Variants in STK36 observed in about 807,000 individuals in gnomAD.
STK36 encodes the protein serine/threonine-protein kinase 36.
STK36 carries 116 observed loss-of-function variants against 142.2 expected under a neutral mutation model. That is an observed-to-expected ratio of 0.82 (90% CI 0.70 to 0.95). The LOEUF (loss-of-function observed/expected upper bound fraction) is 0.95, where lower values mean the gene tolerates loss of function less well. Among genes scored for constraint, STK36 ranks in the 40% least tolerant of loss-of-function variants. The pLI is 0.00. For synonymous variants in STK36, 619 were observed against 641.7 expected, an observed-to-expected ratio of 0.96 and a Z score of 0.53; for missense variants, 1,422 against 1,617.2, an observed-to-expected ratio of 0.88 and a Z score of 2.07.
intron 10 of STK36, 39 bp downstream of exon 10, chr2:218,680,741 T>C: frequency 6.4e-7 from 1 of 1,562,704 alleles, no homozygotes; most frequent in Non-Finnish European, 8.7e-7. Flanking sequence ...GTCTCTTTCA[T>C]GGGATGTTAA....
chr2:218,678,587 A>T (rs1220219565), intron 6 of STK36, among the ~76,000 whole-genome samples: 1 of 152,130 alleles, frequency 6.6e-6, no homozygotes, highest in Admixed American at 6.5e-5. Context: ...CCAATTGAGG[A>T]TTTCCCCAAA....
Position 218,693,310 on chromosome 2 carries a change from T to C in STK36, c.2114T>C (p.Leu705Pro). ...CTCAGGCCATCCCTCATCTCTGGCC[T>C]GCAGCATCCCATCCTGTGCCTGCAC... ...SQLRPSLISG[L>P]QHPILCLHLL... Residue 705 changes from leucine to proline, a missense_variant, in exon 17 of 27, where the codon CTG becomes CCG. Leu to Pro is a moderately conservative substitution (Grantham distance 98). Around this residue, in one of 2 missense-constraint regions of STK36, gnomAD observed 962 missense variants for 1,167.5 expected, o/e 0.82. Coordinates refer to ENST00000295709, the MANE Select transcript of STK36 (RefSeq NM_015690.5). The C allele has an allele frequency of 6.2e-7, 1 of 1,614,234 alleles. No homozygotes were observed. Among genetic ancestry groups the C allele is most frequent in the Non-Finnish European group, 8.5e-7 (1 of 1,180,032 alleles).
At chr2:218,697,385 G>GCCC in intron 23 of STK36, 78 bp from the exon 24 acceptor site, 1 of 1,575,390 alleles carries the variant, frequency 6.3e-7, no homozygotes, top group Non-Finnish European at 8.6e-7. Context: ...AATAGGTGTA[G>GCCC]CCCTGGGAGC....
chr2:218,693,370 C>T (rs1320321465), intron 17 of STK36, 26 bp downstream of exon 17: 2 of 1,602,418 alleles, frequency 1.2e-6, no homozygotes, highest in East Asian at 2.2e-5. Context: ...CCTGGCATCA[C>T]AGCTTTATTT....
At chr2:218,690,346 G>A in intron 13 of STK36, 104 bp from the exon 14 acceptor site, 1 of 891,048 alleles carries the variant, frequency 1.1e-6, no homozygotes, top group Non-Finnish European at 1.9e-6. Flanking sequence ...ATTCTGATGT[G>A]TCCCTTTGCA....
In STK36 at chr2:218,679,544, T is replaced by G; in HGVS notation, c.779-16T>G. 6.2e-7 allele frequency: 1 copy of G among 1,610,166 alleles called. No homozygotes were observed. The highest frequency in any genetic ancestry group is 1.1e-5 in the South Asian group (1 of 90,620). On this transcript the variant is annotated splice_polypyrimidine_tract_variant and intron_variant, in intron 7 of 26. Transcript: ENST00000295709. ...GGCCCCCATGATCATGTCTTCCTCC[T>G]CTTCCCTCCCTGCAGTAATAACTGA...
At chr2:218,672,957 C>T in intron 2 of STK36, 44 bp downstream of exon 2, 1 of 1,558,960 alleles carries the variant, frequency 6.4e-7, no homozygotes, top group Non-Finnish European at 8.8e-7. Context: ...ATTTGGTACC[C>T]CCAACTCCAG....
chr2:218,692,622 A>G lies in STK36; in HGVS notation c.1955A>G (p.Glu652Gly), dbSNP rs142580761. The G allele has an allele frequency of 2.8e-5, 45 of 1,613,592 alleles. No individual in the cohort carries two copies. In the African/African-American group the frequency reaches 5.5e-4, roughly 20 times the overall value. The stretch of plus-strand genomic sequence containing the variant: ...AGCCAGCCACTGCGAGAGCAGAGTG[A>G]GGATATACCTGGAGCCATTTCCTCT... ...QVSQPLREQSEDIPGAISSAL... is the reference protein window; with the variant it reads ...QVSQPLREQSGDIPGAISSAL... Residue 652 changes from glutamate to glycine, a missense_variant, in exon 16 of 27, where the codon GAG becomes GGG. This residue lies in a region of STK36 where 962 missense variants were observed against 1,167.5 expected (regional missense o/e 0.82). Transcript: ENST00000295709.
intron 7 of STK36, 70 bp downstream of exon 7, chr2:218,679,331 C>G (rs1940395976): frequency 2.0e-6 from 3 of 1,463,856 alleles, no homozygotes; most frequent in Non-Finnish European, 2.9e-6. Flanking sequence ...CCTTTCACTT[C>G]CCCGACCATC....
chr2:218,698,124 T>A, intron 25 of STK36, 123 bp downstream of exon 25: 2 of 1,381,934 alleles, frequency 1.4e-6, no homozygotes, highest in Non-Finnish European at 2.0e-6. Context: ...CTGGCTTGAC[T>A]CAAAAGTTGG....
intron 21 of STK36, among the ~76,000 whole-genome samples, chr2:218,695,314 C>T (rs1333403048): frequency 6.8e-6 from 1 of 147,558 alleles, no homozygotes; most frequent in African/African-American, 2.5e-5. Flanking sequence ...CAACCTCTGC[C>T]TCCTGGGTTC....
intron 1 of STK36, 96 bp from the exon 2 acceptor site, chr2:218,672,645 C>T: frequency 1.7e-6 from 1 of 576,154 alleles, no homozygotes; most frequent in Non-Finnish European, 3.1e-6. Context: ...ATCATCTTTG[C>T]ATGCATTCCA....
rs1940240203 is a variant in STK36, at chr2:218,676,271, G to A, written c.677G>A (p.Cys226Tyr). 1 of 1,613,990 alleles carries A rather than the reference G, an allele frequency of 6.2e-7. No individual in the cohort carries two copies. Among genetic ancestry groups the A allele is most frequent in the Admixed American group, 1.7e-5 (1 of 59,996 alleles). The change falls in exon 6 of 27, where the codon TGC becomes TAC. Residue 226 changes from cysteine to tyrosine, a missense_variant. Coordinates refer to ENST00000295709, the MANE Select transcript of STK36 (RefSeq NM_015690.5). ...CGCTGGCCCTCAACCATCAGTCCCTGCTTTAAGGTAATGAATATTGAAAGG... is the reference window on the plus strand; with the variant it reads ...CGCTGGCCCTCAACCATCAGTCCCTACTTTAAGGTAATGAATATTGAAAGG... The part of the protein sequence containing the change: ...PVRWPSTISP[C>Y]FKNFLQGLLT...
At position 218,696,576 on chromosome 2, in the gene STK36, T is replaced by C. The variant is rs1482176808; in HGVS notation, c.2561T>C (p.Ile854Thr). The change falls in exon 22 of 27, where the codon ATC becomes ACC. Residue 854 changes from isoleucine to threonine, a missense_variant. Around this residue, in one of 2 missense-constraint regions of STK36, gnomAD observed 962 missense variants for 1,167.5 expected, o/e 0.82. Transcript: ENST00000295709. ...TGTGGATTCTATGATGGCCTCCTTA[T>C]CCTTCTGTTGCAGCTCCTCACTGAG... The part of the protein sequence containing the change: ...GSCGFYDGLL[I>T]LLLQLLTEQG... The C allele has an allele frequency of 2.5e-6, 4 of 1,614,144 alleles. No homozygotes were observed. The South Asian group carries it at 3.3e-5, about 13-fold the overall frequency.
rs759955851 is a variant in STK36 at position 218,676,192 on chromosome 2, T to C, written c.598T>C (p.Phe200Leu). 1.9e-6 allele frequency: 3 copies of C among 1,614,070 alleles called. No homozygotes were observed. The highest frequency in any genetic ancestry group is 2.7e-5 in the African/African-American group (2 of 74,924). Residue 200 changes from phenylalanine (F) to leucine (L), a missense_variant, in exon 6 of 27, where the codon TTC becomes CTC. By Grantham distance (22) the Phe-to-Leu change is conservative (BLOSUM62 0). This residue lies in a region of STK36 where 460 missense variants were observed against 449.6 expected (regional missense o/e 1.02). Transcript: ENST00000295709. ...TGAACTGGCAGTAGGCACCCCTCCC[T>C]TCTATGCTACAAGCATCTTTCAGCT... ...LYELAVGTPP[F>L]YATSIFQLVS... is the part of the protein sequence containing the mutation.
intron 12 of STK36, among the ~76,000 whole-genome samples, 195 bp downstream of exon 12, chr2:218,689,071 A>G (rs544809649): frequency 1.3e-5 from 2 of 152,296 alleles, no homozygotes; most frequent in South Asian, 4.1e-4. Flanking sequence ...GAAGTAGGCT[A>G]TGCATGTGAC....
intron 21 of STK36, among the ~76,000 whole-genome samples, chr2:218,695,913 G>A (rs1018942440): frequency 3.4e-5 from 5 of 147,386 alleles, no homozygotes; most frequent in Admixed American, 6.8e-5. Context: ...CACCAGGCTG[G>A]AGTGCAGTGG....
At chr2:218,692,430 A>C in intron 15 of STK36, 137 bp downstream of exon 15, 4 of 1,486,156 alleles carry the variant, frequency 2.7e-6, no homozygotes, top group Non-Finnish European at 3.6e-6. Flanking sequence ...TGAGAGAATG[A>C]ATGGGGATCT....
Position 218,693,250 on chromosome 2 carries a change from A to T in STK36, c.2054A>T (p.His685Leu), listed in dbSNP as rs1426761718. The change falls in exon 17 of 27, where the codon CAT (histidine) becomes CTT (leucine). Residue 685 changes from histidine to leucine, a missense_variant. Coordinates refer to ENST00000295709, the MANE Select transcript of STK36 (RefSeq NM_015690.5). ...GGTATGTCTCTATAGGTCTGTTGGC[A>T]TTTGGCAAATCAGCTAACTGAAGAC... is the stretch of plus-strand genomic sequence containing the variant. ...CWDAKEQVCWHLANQLTEDSS... is the reference protein window; with the variant it reads ...CWDAKEQVCWLLANQLTEDSS... 6.2e-7 allele frequency: 1 copy of T among 1,614,180 alleles called. No homozygotes were observed. The highest frequency in any genetic ancestry group is 8.5e-7 in the Non-Finnish European group (1 of 1,180,032).
Sources: allele counts gnomAD v4.1 joint callset (sites outside exome capture counted in the v4.1 genomes callset), GRCh38; gene constraint gnomAD v4.1.1; regional missense constraint gnomAD v4.1.1; transcripts MANE v1.5; gene names NCBI Gene and HGNC (gene_info 2026-07-23, HGNC 2026-07-21).